PAK6: variants seen among roughly 807,000 people sequenced by gnomAD.
PAK6 encodes serine/threonine-protein kinase PAK 6.
A neutral mutation model predicts 60.8 loss-of-function variants in PAK6; 33 were observed. The ratio of observed to expected loss-of-function variants is 0.54; its 90% CI spans 0.41 to 0.73. PAK6 has a LOEUF of 0.73. Among genes scored for constraint, PAK6 ranks in the 30% least tolerant of loss-of-function variants. The pLI, the probability that PAK6 is intolerant of heterozygous loss-of-function variation, is 0.00. For synonymous variants in PAK6, 404 were observed against 378.5 expected (o/e 1.07, Z -0.78); for missense variants, 845 against 904.1 (o/e 0.93, Z 0.84).
intron 2 of PAK6, chr15:40,251,058 G>C (rs1339027917): frequency 6.6e-6 from 1 of 152,488 alleles, no homozygotes; most frequent in Admixed American, 6.5e-5. Context: ...GACCACAGGA[G>C]GTCAGAGTTT....
At chr15:40,261,003 C>T (rs565299569) in intron 3 of PAK6, among the ~76,000 whole-genome samples, 36 of 151,952 alleles carry the variant, frequency 2.4e-4, no homozygotes, top group African/African-American at 8.7e-4. Flanking sequence ...ATTCTCCTGC[C>T]TCAGCCTCCT....
rs1555389202 is a variant in PAK6 at position 40,275,280 on chromosome 15, G to GTTTTTTTTTTTTTTGTTTTTTTTTT, written c.1879-633_1879-632insGTTTTTTTTTTTTTTTTTTTTTTTT. 1.4e-4 allele frequency among the ~76,000 whole-genome samples: 8 copies of GTTTTTTTTTTTTTTGTTTTTTTTTT among 56,480 alleles called. 1 individual carries two copies. Among genetic ancestry groups the GTTTTTTTTTTTTTTGTTTTTTTTTT allele is most frequent in the Non-Finnish European group, 2.5e-4 (8 of 32,500 alleles). 37.1% of individuals were successfully genotyped at this position (56,480 alleles called of 152,430 possible). A position where few individuals can be genotyped will look rare whatever the true frequency, so the allele number is the denominator to read the frequency against. ...GACTTGTTTGTTTCTGTTGTTGTTG[G>GTTTTTTTTTTTTTTGTTTTTTTTTT]TTTTTTTTTTTTTTTTTTTTTTGGA... On this transcript the variant is annotated intron_variant, in intron 10 of 10. Transcript: ENST00000560346.
intron 1 of PAK6, chr15:40,240,384 G>C: frequency 2.9e-6 from 1 of 339,972 alleles, no homozygotes; most frequent in Non-Finnish European, 5.8e-6. Context: ...GCATGCCCCA[G>C]TGTGTGTCAG....
exon 6 of PAK6, chr15:40,272,651 C>G (rs759294194): frequency 6.2e-7 from 1 of 1,606,906 alleles, no homozygotes; most frequent in South Asian, 1.1e-5. Context: ...GAGAAGCACT[C>G]GGGCCGCCAG....
intron 10 of PAK6, among the ~76,000 whole-genome samples, chr15:40,275,280 G>GTTTTTTTTTTTTTTTGTT (rs2039420426): frequency 5.3e-5 from 3 of 56,486 alleles, no homozygotes; most frequent in Non-Finnish European, 9.2e-5. Context: ...GTTGTTGTTG[G>GTTTTTTTTTTTTTTTGTT]TTTTTTTTTT....
At chr15:40,242,786 A>T (rs2038392399) in intron 2 of PAK6, among the ~76,000 whole-genome samples, 1 of 152,166 alleles carries the variant, frequency 6.6e-6, no homozygotes, top group Non-Finnish European at 1.5e-5. Flanking sequence ...GATGTGAGAT[A>T]AAGGGGACCG....
In PAK6 at chr15:40,272,820, G is replaced by A. The variant is rs369260066; in HGVS notation, c.1357-46G>A. 30 of 1,600,770 alleles carry A rather than the reference G, an allele frequency of 1.9e-5. No individual in the cohort carries two copies. In the African/African-American group the frequency reaches 3.6e-4, roughly 19 times the overall value. On this transcript the variant is annotated intron_variant, in intron 6 of 10. Transcript: ENST00000560346. ...GTGAGCAGGGGCAGTGGGTGGCCAT[G>A]CGTCTGGGCACTGTGCCTGGCACTC...
At chr15:40,262,775 G>A (rs747858091) in intron 3 of PAK6, among the ~76,000 whole-genome samples, 3 of 152,152 alleles carry the variant, frequency 2.0e-5, no homozygotes, top group Admixed American at 1.3e-4. Context: ...AGAAACAACC[G>A]TCATGTATGG....
At chr15:40,266,590 G>A in intron 5 of PAK6, 95 bp downstream of exon 5, 3 of 1,290,400 alleles carry the variant, frequency 2.3e-6, no homozygotes, top group South Asian at 3.1e-5. Flanking sequence ...TGGCAAAGAG[G>A]CTCCCTGGAC....
intron 3 of PAK6, among the ~76,000 whole-genome samples, chr15:40,255,047 G>T (rs1334047916): frequency 1.3e-5 from 2 of 152,154 alleles, no homozygotes; most frequent in East Asian, 3.8e-4. Context: ...AGAAAAAAAG[G>T]CAATCTTGTG....
intron 2 of PAK6, among the ~76,000 whole-genome samples, chr15:40,248,838 C>T (rs985656815): frequency 1.3e-5 from 2 of 152,154 alleles, no homozygotes; most frequent in Non-Finnish European, 2.9e-5. Flanking sequence ...CCCCACTGCC[C>T]GTTCAAACAT....
intron 3 of PAK6, among the ~76,000 whole-genome samples, chr15:40,260,572 T>G (rs1365537573): frequency 6.6e-6 from 1 of 152,248 alleles, no homozygotes; most frequent in Admixed American, 6.5e-5. Context: ...TAATATCTAT[T>G]TAGTACAATC....
intron 3 of PAK6, 34 bp from the exon 4 acceptor site, chr15:40,264,747 C>A (rs372121594): frequency 5.0e-6 from 8 of 1,596,170 alleles, no homozygotes; most frequent in Middle Eastern, 1.7e-4. Flanking sequence ...CCCTCTTTCC[C>A]GGGAGGGAGC....
exon 9 of PAK6, chr15:40,273,594 A>G: frequency 6.2e-7 from 1 of 1,614,026 alleles, no homozygotes; most frequent in Non-Finnish European, 8.5e-7. Flanking sequence ...ATCAGCAAAG[A>G]CGTCCCTAAG....
intron 4 of PAK6, 98 bp from the exon 5 acceptor site, chr15:40,265,744 C>T: frequency 3.5e-6 from 4 of 1,142,706 alleles, no homozygotes; most frequent in Non-Finnish European, 4.9e-6. Context: ...TGGTCCTCCC[C>T]AGGGCCCCCA....
intron 1 of PAK6, 97 bp from the exon 2 acceptor site, chr15:40,240,502 A>G (rs141799881): frequency 6.4e-4 from 245 of 380,502 alleles, no homozygotes; most frequent in African/African-American, 4.7e-3. Flanking sequence ...GCAGGACAAT[A>G]CCAACCAGGA....
chr15:40,255,074 G>A (rs969660809), intron 3 of PAK6, among the ~76,000 whole-genome samples: 1 of 152,162 alleles, frequency 6.6e-6, no homozygotes, highest in Non-Finnish European at 1.5e-5. Context: ...GATGCCAGAG[G>A]TTCCTTCTGC....
rs2039385181 is a variant in PAK6 at position 40,274,130 on chromosome 15, T to C, written c.1744-12T>C. ...GTCTGGCCATGGGGTCAGGGACATT[T>C]TCCTCCTGCAGGTGGATATCTGGTC... On this transcript the variant is annotated splice_polypyrimidine_tract_variant and intron_variant, in intron 9 of 10. Coordinates refer to ENST00000560346, the Ensembl canonical transcript of PAK6. 1.2e-6 allele frequency: 2 copies of C among 1,613,768 alleles called. No individual in the cohort carries two copies. Among genetic ancestry groups the C allele is most frequent in the Non-Finnish European group, 1.7e-6 (2 of 1,179,948 alleles).
At chr15:40,254,232 G>T (rs1377771176) in intron 3 of PAK6, among the ~76,000 whole-genome samples, 1 of 152,198 alleles carries the variant, frequency 6.6e-6, no homozygotes, top group African/African-American at 2.4e-5. Flanking sequence ...TCATTAGGCG[G>T]TTGTGGGGAG....
Sources: allele counts gnomAD v4.1 joint callset (sites outside exome capture counted in the v4.1 genomes callset), GRCh38; gene constraint gnomAD v4.1.1; transcripts MANE v1.5; gene names NCBI Gene and HGNC (gene_info 2026-07-23, HGNC 2026-07-21).